Variants in POT1 observed in about 807,000 individuals in gnomAD.
POT1 encodes protection of telomeres 1, also known as protection of telomeres protein 1.
A neutral mutation model predicts 78.5 loss-of-function variants in POT1; 47 were observed. The ratio of observed to expected loss-of-function variants is 0.60; its 90% CI spans 0.47 to 0.76. The LOEUF is 0.76. Among genes scored for constraint, POT1 ranks in the 30% least tolerant of loss-of-function variants. The pLI is 0.00. For synonymous variants in POT1, 259 were observed against 260.7 expected (o/e 0.99, Z 0.06); for missense variants, 646 against 749.9 (o/e 0.86, Z 1.62).
chr7:124,869,379 G>A (rs760453330), intron 7 of POT1, among the ~76,000 whole-genome samples: 2 of 152,094 alleles, frequency 1.3e-5, no homozygotes, highest in Non-Finnish European at 2.9e-5. Context: ...AGCTATGTGA[G>A]TATGGTTATA....
chr7:124,914,103 C>G (rs1326596237), intron 3 of POT1, among the ~76,000 whole-genome samples: 1 of 145,656 alleles, frequency 6.9e-6, no homozygotes, highest in Non-Finnish European at 1.5e-5. Context: ...CCACTGCACT[C>G]CAGCCTGGGT....
chr7:124,872,599 G>A (rs1407876515), intron 6 of POT1, among the ~76,000 whole-genome samples: 2 of 152,142 alleles, frequency 1.3e-5, no homozygotes, highest in Non-Finnish European at 2.9e-5. Context: ...AAGGCAAAGT[G>A]ATAAGTGCTT....
Position 124,827,257 on chromosome 7 carries a change from A to G in POT1, c.1643T>C (p.Leu548Pro), listed in dbSNP as rs1794652953. 2 of 1,598,964 alleles carry G rather than the reference A, an allele frequency of 1.3e-6. No homozygotes were observed. The highest frequency in any genetic ancestry group is 1.7e-6 in the Non-Finnish European group (2 of 1,168,894). The change falls in exon 17 of 19, where the codon CTT (leucine) becomes CCT (proline). Residue 548 changes from leucine to proline, a missense_variant. Leu to Pro is a moderately conservative substitution (Grantham distance 98). Around this residue, in one of 2 missense-constraint regions of POT1, gnomAD observed 394 missense variants for 408.4 expected, o/e 0.96. Coordinates refer to ENST00000357628, the MANE Select transcript of POT1 (RefSeq NM_015450.3). ...LQYVFVMTFT[L>P]DDGTGVLEAY... Reference sequence around the variant, plus strand: ...TTCTAGTACTCCTGTTCCATCATCAAGTGTAAAGGTCATAACAAACACATA... The same window carrying G: ...TTCTAGTACTCCTGTTCCATCATCAGGTGTAAAGGTCATAACAAACACATA...
intron 16 of POT1, among the ~76,000 whole-genome samples, chr7:124,828,236 T>G (rs1259032849): frequency 1.3e-5 from 2 of 152,146 alleles, no homozygotes; most frequent in Non-Finnish European, 2.9e-5. Flanking sequence ...GGGAATAATT[T>G]ATAACTTTAA....
chr7:124,853,995 A>G (rs1445189485), intron 9 of POT1, among the ~76,000 whole-genome samples: 1 of 152,074 alleles, frequency 6.6e-6, no homozygotes, highest in Non-Finnish European at 1.5e-5. Flanking sequence ...ATTTGTATAA[A>G]TATAGCACTC....
rs752031800 is a variant in POT1, at chr7:124,829,362, G to T, written c.1506-20C>A. 3 of 1,423,698 alleles carry T rather than the reference G, an allele frequency of 2.1e-6. No individual in the cohort carries two copies. The highest frequency in any genetic ancestry group is 2.9e-6 in the Non-Finnish European group (3 of 1,023,778). The allele number at this position is 1,423,698 out of a possible 1,614,324, so 88.2% of individuals were successfully genotyped here. Reference sequence around the variant, plus strand: ...TTACATCTGAAATTTATAAAAGAAAGAACCATAAATATTTAAAAATAATTT... The same window carrying T: ...TTACATCTGAAATTTATAAAAGAAATAACCATAAATATTTAAAAATAATTT... On this transcript the variant is annotated intron_variant, in intron 15 of 18. Transcript: ENST00000357628.
In POT1 at chr7:124,851,958, T is replaced by C. The variant is rs372566252; in HGVS notation, c.870-7A>G. On this transcript the variant is annotated splice_region_variant and splice_polypyrimidine_tract_variant and intron_variant, in intron 10 of 18. Transcript: ENST00000357628. Reference sequence around the variant, plus strand: ...ATTTGCAGATTCTAAATCCCTATAATTGAAAGAATACAATTTCAAATTGCA... The same window carrying C: ...ATTTGCAGATTCTAAATCCCTATAACTGAAAGAATACAATTTCAAATTGCA... 6.3e-7 allele frequency: 1 copy of C among 1,578,554 alleles called. No individual in the cohort carries two copies. The highest frequency in any genetic ancestry group is 1.3e-5 in the African/African-American group (1 of 74,230).
intron 3 of POT1, chr7:124,900,752 G>T: frequency 3.7e-6 from 1 of 270,420 alleles, no homozygotes; most frequent in Non-Finnish European, 8.1e-6. Flanking sequence ...TCCTAGCCAA[G>T]GGAAGCCATG....
At position 124,823,192 on chromosome 7, in the gene POT1, C is replaced by T. The variant is rs923364512; in HGVS notation, c.*770G>A. 4 of 152,070 alleles carry T rather than the reference C, an allele frequency of 2.6e-5. No homozygotes were observed. The highest frequency in any genetic ancestry group is 9.7e-5 in the African/African-American group (4 of 41,430). 9.4% of individuals were successfully genotyped at this position (152,070 alleles called of 1,614,324 possible). On this transcript the variant is annotated 3_prime_UTR_variant, in exon 19 of 19. Coordinates refer to ENST00000357628, the MANE Select transcript of POT1 (RefSeq NM_015450.3). Reference sequence around the variant, plus strand: ...CTAAACATCTGCTGCATTGCCACACCTATTTCGATTCTTTGCCTCATATCA... The same window carrying T: ...CTAAACATCTGCTGCATTGCCACACTTATTTCGATTCTTTGCCTCATATCA...
At chr7:124,862,713 A>G (rs994233210) in intron 8 of POT1, among the ~76,000 whole-genome samples, 2 of 152,182 alleles carry the variant, frequency 1.3e-5, no homozygotes, top group African/African-American at 4.8e-5. Context: ...TAACCATAGG[A>G]GCAGGCCTGA....
chr7:124,922,856 C>T (rs1046273039), intron 2 of POT1, among the ~76,000 whole-genome samples: 16 of 151,502 alleles, frequency 1.1e-4, no homozygotes, highest in African/African-American at 3.6e-4. Context: ...AGCATGATCC[C>T]GTTATATGCT....
chr7:124,830,725 T>G (rs1191922347), intron 15 of POT1, among the ~76,000 whole-genome samples: 1 of 152,088 alleles, frequency 6.6e-6, no homozygotes, highest in African/African-American at 2.4e-5. Context: ...AAGCTTTTAT[T>G]TATGAGTGAC....
chr7:124,897,179 C>T lies in POT1; in HGVS notation c.-6G>A. 6.9e-7 allele frequency: 1 copy of T among 1,454,074 alleles called. No individual in the cohort carries two copies. Among genetic ancestry groups the T allele is most frequent in the Non-Finnish European group, 9.5e-7 (1 of 1,050,398 alleles). 90.1% of individuals were successfully genotyped at this position (1,454,074 alleles called of 1,614,324 possible). A position where few individuals can be genotyped will look rare whatever the true frequency, so the allele number is the denominator to read the frequency against. On this transcript the variant is annotated 5_prime_UTR_variant, in exon 5 of 19. Coordinates refer to ENST00000357628, the MANE Select transcript of POT1 (RefSeq NM_015450.3). The stretch of plus-strand genomic sequence containing the variant: ...TATCATCTTACCAAAGACATTGATT[C>T]TGTAGAAAAATCTCTTAAAGATTTG...
chr7:124,898,824 C>T (rs189539919), intron 3 of POT1, among the ~76,000 whole-genome samples: 58 of 152,148 alleles, frequency 3.8e-4, no homozygotes, highest in Admixed American at 8.5e-4. Flanking sequence ...TAAGAAATTT[C>T]CATTTATATA....
chr7:124,875,854 T>G (rs1264895288), intron 6 of POT1, among the ~76,000 whole-genome samples: 1 of 152,216 alleles, frequency 6.6e-6, no homozygotes, highest in African/African-American at 2.4e-5. Context: ...GACCATTCCA[T>G]TTTGCTAAAA....
chr7:124,841,737 C>T (rs1455177287), intron 13 of POT1, among the ~76,000 whole-genome samples: 1 of 151,884 alleles, frequency 6.6e-6, no homozygotes, highest in Non-Finnish European at 1.5e-5. Flanking sequence ...AACTGTGTAA[C>T]TTTAGACAGT....
intron 16 of POT1, among the ~76,000 whole-genome samples, chr7:124,828,460 C>G (rs1305188282): frequency 6.6e-6 from 1 of 152,106 alleles, no homozygotes; most frequent in African/African-American, 2.4e-5. Context: ...CATATTTAAA[C>G]AGTATAACTA....
In POT1 at chr7:124,844,568, C is replaced by G. The variant is rs4433083; in HGVS notation, c.1007-1605G>C. Among the ~76,000 whole-genome samples, 1,475 of 150,594 alleles carry G rather than the reference C, an allele frequency of 9.8e-3. 64 individuals carry two copies. The highest frequency in any genetic ancestry group is 0.079 in the Admixed American group (1,204 of 15,148). ...TGGCTAACACGGTGAAACCCCGTCTCTACTAAAAATACAAAAAATTAGCCG... is the reference window on the plus strand; with the variant it reads ...TGGCTAACACGGTGAAACCCCGTCTGTACTAAAAATACAAAAAATTAGCCG... On this transcript the variant is annotated intron_variant, in intron 12 of 18. Transcript: ENST00000357628.
chr7:124,872,445 C>T (rs1241357444), intron 6 of POT1, among the ~76,000 whole-genome samples: 1 of 152,178 alleles, frequency 6.6e-6, no homozygotes, highest in Non-Finnish European at 1.5e-5. Flanking sequence ...TGAATCATCT[C>T]TTCATGCAGG....
Sources: allele counts gnomAD v4.1 joint callset (sites outside exome capture counted in the v4.1 genomes callset), GRCh38; gene constraint gnomAD v4.1.1; regional missense constraint gnomAD v4.1.1; transcripts MANE v1.5; gene names NCBI Gene and HGNC (gene_info 2026-07-23, HGNC 2026-07-21).